Variants in IQCE observed in about 807,000 individuals in gnomAD.
IQCE encodes the protein IQ motif containing E, also known as IQ domain-containing protein E.
A neutral mutation model predicts 96.0 loss-of-function variants in IQCE; 115 were observed. The ratio of observed to expected loss-of-function variants is 1.20; its 90% CI spans 1.03 to 1.40. IQCE has a LOEUF of 1.40. IQCE is among the 40% of genes most tolerant of loss of function. The pLI is 0.00. For missense variants in IQCE, 1,041 were observed against 909.1 expected (o/e 1.15, Z -1.87); for synonymous variants, 412 against 371.2 (o/e 1.11, Z -1.26).
chr7:2,561,874 C>G (rs1562613851), intron 1 of IQCE, among the ~76,000 whole-genome samples: 1 of 152,168 alleles, frequency 6.6e-6, no homozygotes. Flanking sequence ...TCTTTTCAAT[C>G]TGAATGTCTT....
chr7:2,590,672 A>G (rs1360680484), intron 14 of IQCE, among the ~76,000 whole-genome samples: 1 of 152,074 alleles, frequency 6.6e-6, no homozygotes, highest in Non-Finnish European at 1.5e-5. Flanking sequence ...AGGCCAAGGC[A>G]GAGGATCACT....
At chr7:2,585,707 G>T (rs1343212406) in intron 11 of IQCE, among the ~76,000 whole-genome samples, 1 of 152,246 alleles carries the variant, frequency 6.6e-6, no homozygotes. Flanking sequence ...GCGCGCCAGC[G>T]ACTGGCATTT....
chr7:2,571,891 G>A (rs778077241), intron 4 of IQCE, among the ~76,000 whole-genome samples: 9 of 152,204 alleles, frequency 5.9e-5, no homozygotes, highest in Non-Finnish European at 1.3e-4. Context: ...GTGGTGAGTT[G>A]TCTTGCCAGA....
intron 18 of IQCE, among the ~76,000 whole-genome samples, chr7:2,603,280 C>G (rs1264715906): frequency 6.6e-6 from 1 of 152,218 alleles, no homozygotes; most frequent in African/African-American, 2.4e-5. Flanking sequence ...CCTGGCATCT[C>G]ACTTTGTGGT....
chr7:2,599,855 G>A lies in IQCE; in HGVS notation c.1608+1223G>A, dbSNP rs541802905. ...GTGGCCCAGGCTGGAGTGCAGTGGC[G>A]GGATCTCAGCTCACTGCAACCTCCG... On this transcript the variant is annotated intron_variant, in intron 17 of 21. Coordinates refer to ENST00000402050, the MANE Select transcript of IQCE (RefSeq NM_152558.5). Among the ~76,000 whole-genome samples the A allele has an allele frequency of 7.2e-4, 108 of 150,374 alleles. 1 individual carries two copies. The highest frequency in any genetic ancestry group is 2.6e-3 in the African/African-American group (107 of 40,890).
intron 14 of IQCE, among the ~76,000 whole-genome samples, chr7:2,591,734 C>G (rs980609466): frequency 6.6e-6 from 1 of 151,942 alleles, no homozygotes; most frequent in African/African-American, 2.4e-5. Flanking sequence ...AATTCTCATG[C>G]CTCAGCCTCC....
At chr7:2,574,241 G>A (rs1280128378) in intron 6 of IQCE, among the ~76,000 whole-genome samples, 1 of 152,240 alleles carries the variant, frequency 6.6e-6, no homozygotes, top group Non-Finnish European at 1.5e-5. Context: ...GTTGATGTGT[G>A]TCTGAGACAC....
intron 9 of IQCE, among the ~76,000 whole-genome samples, chr7:2,582,851 T>G (rs1186108976): frequency 2.0e-5 from 3 of 152,228 alleles, no homozygotes; most frequent in Non-Finnish European, 4.4e-5. Context: ...TCCTGTTATA[T>G]TTAAAAGATG....
At position 2,559,023 on chromosome 7, in the gene IQCE, C is replaced by G. The variant is rs376266635; in HGVS notation, c.-159C>G. The G allele has an allele frequency of 9.3e-4, 345 of 372,098 alleles. 2 individuals carry two copies. The highest frequency in any genetic ancestry group is 5.8e-3 in the South Asian group (42 of 7,184). 23.0% of individuals were successfully genotyped at this position (372,098 alleles called of 1,614,324 possible). On this transcript the variant is annotated 5_prime_UTR_variant, in exon 1 of 22. Transcript: ENST00000402050. ...CCAGGGGGAACGCAGGTCGCTTACC[C>G]GGCTGGGTAGGTCGGCGGCCTGGTT...
chr7:2,596,475 A>G (rs1229788775), intron 16 of IQCE, among the ~76,000 whole-genome samples: 1 of 136,258 alleles, frequency 7.3e-6, no homozygotes, highest in South Asian at 2.3e-4. Context: ...GCTTTGTGTT[A>G]TTTTCCTACT....
chr7:2,588,797 C>G (rs1280409556), intron 13 of IQCE, among the ~76,000 whole-genome samples: 1 of 150,278 alleles, frequency 6.7e-6, no homozygotes, highest in Non-Finnish European at 1.5e-5. Context: ...TCACCAGTAG[C>G]TGGGATTACA....
Position 2,611,852 on chromosome 7 carries a change from T to C in IQCE, c.*1690T>C, listed in dbSNP as rs1056670772. ...TTGCCAAGTCCATTTTTTTTTCCAC[T>C]GAACTGGCTGGTAACTTGATGGACT... On this transcript the variant is annotated 3_prime_UTR_variant, in exon 22 of 22. Transcript: ENST00000402050. The C allele has an allele frequency of 5.3e-5, 8 of 152,222 alleles. No individual in the cohort carries two copies. The highest frequency in any genetic ancestry group is 1.9e-4 in the African/African-American group (8 of 41,448). 9.4% of individuals were successfully genotyped at this position (152,222 alleles called of 1,614,324 possible). A position where few individuals can be genotyped will look rare whatever the true frequency, so the allele number is the denominator to read the frequency against.
At position 2,561,645 on chromosome 7, in the gene IQCE, TCTC is replaced by T. The variant is rs1279845567; in HGVS notation, c.36+2431_36+2433del. ...ACCTTGTTAGCCAGGATGGTCTCGATCTCCTGACCTCGTGATGCACCCGCCTTG... is the reference window on the plus strand; with the variant it reads ...ACCTTGTTAGCCAGGATGGTCTCGATCTGACCTCGTGATGCACCCGCCTTG... On this transcript the variant is annotated intron_variant, in intron 1 of 21. Coordinates refer to ENST00000402050, the MANE Select transcript of IQCE (RefSeq NM_152558.5). Among the ~76,000 whole-genome samples, 19 of 152,088 alleles carry T rather than the reference TCTC, an allele frequency of 1.2e-4. 1 individual carries two copies. In the East Asian group the frequency reaches 3.7e-3, roughly 29 times the overall value.
At chr7:2,601,153 G>C (rs1455017940) in intron 17 of IQCE, among the ~76,000 whole-genome samples, 1 of 152,214 alleles carries the variant, frequency 6.6e-6, no homozygotes, top group African/African-American at 2.4e-5. Context: ...AGTCCCTTCT[G>C]CACAGCCAGG....
chr7:2,587,317 G>C (rs980543349), intron 12 of IQCE, among the ~76,000 whole-genome samples: 13 of 151,972 alleles, frequency 8.6e-5, no homozygotes, highest in African/African-American at 2.9e-4. Flanking sequence ...CTGGAGAACT[G>C]AGCATGTGGG....
rs763849575 is a variant in IQCE, at chr7:2,578,290, C to T, written c.514C>T (p.Arg172Trp). ...SDVDLMRTKL[R>W]RLEEENSRKD... ...CGTGGACCTGATGAGAACGAAGCTC[C>T]GGCGCCTGGAGGAGGAAAACAGCAG... The change falls in exon 7 of 22, where the codon CGG (arginine) becomes TGG (tryptophan). Residue 172 changes from arginine to tryptophan, a missense_variant. Arg to Trp is a moderately radical substitution (Grantham distance 101). Coordinates refer to ENST00000402050, the MANE Select transcript of IQCE (RefSeq NM_152558.5). 9 of 1,613,880 alleles carry T rather than the reference C, an allele frequency of 5.6e-6. No homozygotes were observed. The highest frequency in any genetic ancestry group is 2.2e-5 in the East Asian group (1 of 44,882).
At position 2,581,954 on chromosome 7, in the gene IQCE, C is replaced by T. The variant is rs1052655894; in HGVS notation, c.631-626C>T. On this transcript the variant is annotated intron_variant, in intron 8 of 21. Coordinates refer to ENST00000402050, the MANE Select transcript of IQCE (RefSeq NM_152558.5). Reference sequence around the variant, plus strand: ...GTCTTGATCTCCTGACCCCATGATCCACCCGCCTCGGCCTCCCAAAGTGCT... The same window carrying T: ...GTCTTGATCTCCTGACCCCATGATCTACCCGCCTCGGCCTCCCAAAGTGCT... The T allele has an allele frequency of 1.9e-4, 74 of 397,698 alleles. No individual in the cohort carries two copies. In the Middle Eastern group the frequency reaches 3.6e-3, roughly 20 times the overall value. 24.6% of individuals were successfully genotyped at this position (397,698 alleles called of 1,614,324 possible). A position where few individuals can be genotyped will look rare whatever the true frequency, so the allele number is the denominator to read the frequency against.
At chr7:2,608,649 C>T (rs767729970) in intron 21 of IQCE, among the ~76,000 whole-genome samples, 1 of 152,194 alleles carries the variant, frequency 6.6e-6, no homozygotes, top group Non-Finnish European at 1.5e-5. Flanking sequence ...CCGATTCTAC[C>T]GGCTTCGCCA....
chr7:2,611,628 G>A lies in IQCE; in HGVS notation c.*1466G>A, dbSNP rs1447075767. On this transcript the variant is annotated 3_prime_UTR_variant, in exon 22 of 22. Coordinates refer to ENST00000402050, the MANE Select transcript of IQCE (RefSeq NM_152558.5). ...CTGCATGTCCACCTGCTCTATGGGA[G>A]GAGGACACAGGTGTCCCCAGCCCAG... The A allele has an allele frequency of 6.6e-6, 1 of 152,220 alleles. No homozygotes were observed. The highest frequency in any genetic ancestry group is 2.4e-5 in the African/African-American group (1 of 41,438). 9.4% of individuals were successfully genotyped at this position (152,220 alleles called of 1,614,324 possible).
Sources: gnomAD v4.1 joint callset for allele counts (sites outside exome capture counted in the v4.1 genomes callset) on GRCh38, gnomAD v4.1.1 for gene constraint, MANE v1.5 for transcripts, NCBI Gene and HGNC (gene_info 2026-07-23, HGNC 2026-07-21) for gene names.